The following DLGAP2 variants were observed in gnomAD, a reference collection of about 807,000 sequenced individuals.
The protein encoded by DLGAP2 is disks large-associated protein 2.
A neutral mutation model predicts 100.3 loss-of-function variants in DLGAP2; 26 were observed. The observed-to-expected ratio is 0.26, with a 90% CI of 0.19 to 0.36. DLGAP2 has a LOEUF of 0.36. Ranked by LOEUF, DLGAP2 falls within the 10% of genes least tolerant of loss-of-function variation. The pLI is 1.00. For synonymous variants in DLGAP2, 886 were observed against 630.1 expected (o/e 1.41, Z -6.08); for missense variants, 1,858 against 1,453.2 (o/e 1.28, Z -4.53).
chr8:1,672,020 C>T (rs1008367702), intron 10 of DLGAP2, among the ~76,000 whole-genome samples: 8 of 152,234 alleles, frequency 5.3e-5, no homozygotes, highest in South Asian at 2.1e-4. Context: ...TTATCCTTTG[C>T]GGTTTGTCTC....
At chr8:747,726 C>T (rs963296636) in intron 1 of DLGAP2, among the ~76,000 whole-genome samples, 8 of 41,276 alleles carry the variant, frequency 1.9e-4, no homozygotes, top group Non-Finnish European at 3.3e-4. Flanking sequence ...AACGTGTCTG[C>T]GGTGGGATGG....
At chr8:738,045 G>C (rs540579211) in intron 1 of DLGAP2, 338 of 296,566 alleles carry the variant, frequency 1.1e-3, no homozygotes, top group African/African-American at 7.1e-3. Flanking sequence ...GCCGGGCTCC[G>C]CGCATCCCTG....
chr8:1,441,060 G>C (rs969855695), intron 3 of DLGAP2, among the ~76,000 whole-genome samples: 3 of 152,310 alleles, frequency 2.0e-5, no homozygotes, highest in South Asian at 2.1e-4. Flanking sequence ...AGGCAGAAAA[G>C]ATGCTGAAGG....
chr8:956,908 A>G (rs1006769877), intron 2 of DLGAP2, among the ~76,000 whole-genome samples: 2 of 152,226 alleles, frequency 1.3e-5, no homozygotes, highest in African/African-American at 2.4e-5. Flanking sequence ...GAGAGAATGG[A>G]TGAAATTGAG....
Position 1,669,484 on chromosome 8 carries a change from C to A in DLGAP2, c.2161-259C>A, listed in dbSNP as rs918480492. 2.6e-4 allele frequency among the ~76,000 whole-genome samples: 39 copies of A among 152,240 alleles called. 1 individual carries two copies. The highest frequency in any genetic ancestry group is 1.5e-4 in the Non-Finnish European group (10 of 68,034). ...GCGGACGTGGTTGAGCAGGGCTGGC[C>A]GTCAAGCCCTCTGCCAACACGGCCC... is the stretch of plus-strand genomic sequence containing the variant. On this transcript the variant is annotated intron_variant, in intron 9 of 14. Transcript: ENST00000637795.
intron 1 of DLGAP2, among the ~76,000 whole-genome samples, chr8:790,811 T>C (rs1191054821): frequency 3.3e-5 from 5 of 152,148 alleles, no homozygotes; most frequent in African/African-American, 1.2e-4. Flanking sequence ...AGTGGTGTGA[T>C]CATAACTCAC....
chr8:1,389,271 C>T (rs1179726521), intron 3 of DLGAP2, among the ~76,000 whole-genome samples: 1 of 139,086 alleles, frequency 7.2e-6, no homozygotes. Flanking sequence ...GGCTTCCTCC[C>T]AGTCAGTGGG....
chr8:850,353 A>G (rs1797162708), intron 1 of DLGAP2, among the ~76,000 whole-genome samples: 1 of 152,220 alleles, frequency 6.6e-6, no homozygotes, highest in Admixed American at 6.5e-5. Flanking sequence ...GTTAAAAGTT[A>G]CGCTGCCTCT....
chr8:1,511,368 G>A (rs942287156), intron 4 of DLGAP2, among the ~76,000 whole-genome samples: 1 of 146,704 alleles, frequency 6.8e-6, no homozygotes, highest in African/African-American at 2.5e-5. Flanking sequence ...GCTGTCTAGT[G>A]TAGGACAATC....
At position 1,517,929 on chromosome 8, in the gene DLGAP2, A is replaced by T. The variant is rs144116829; in HGVS notation, c.172+16498A>T. On this transcript the variant is annotated intron_variant, in intron 4 of 14. Coordinates refer to ENST00000637795, the MANE Select transcript of DLGAP2 (RefSeq NM_001346810.2). Reference sequence around the variant, plus strand: ...CCATCCCCCACGGTATGTTGTTTGGACCTGGGAACTTTCTGGAGCAAGTGC... The same window carrying T: ...CCATCCCCCACGGTATGTTGTTTGGTCCTGGGAACTTTCTGGAGCAAGTGC... 1.3e-3 allele frequency among the ~76,000 whole-genome samples: 192 copies of T among 152,352 alleles called. 3 individuals carry two copies. Among genetic ancestry groups the T allele is most frequent in the African/African-American group, 4.6e-3 (191 of 41,584 alleles).
chr8:1,590,086 A>G (rs547120998), intron 6 of DLGAP2, among the ~76,000 whole-genome samples: 2 of 151,742 alleles, frequency 1.3e-5, no homozygotes, highest in African/African-American at 4.8e-5. Flanking sequence ...TGGGTGCATC[A>G]CTCCACCCTC....
intron 2 of DLGAP2, among the ~76,000 whole-genome samples, chr8:999,260 G>T (rs996245280): frequency 1.3e-5 from 2 of 151,588 alleles, no homozygotes; most frequent in African/African-American, 4.8e-5. Flanking sequence ...ATTTGGTGTT[G>T]TCCTTTGCTG....
At chr8:1,407,655 C>T (rs1346145548) in intron 3 of DLGAP2, among the ~76,000 whole-genome samples, 2 of 87,350 alleles carry the variant, frequency 2.3e-5, no homozygotes, top group Non-Finnish European at 2.3e-5. Flanking sequence ...CCTCCTCATC[C>T]TCCAGAGTCG....
chr8:1,546,551 T>C (rs1441775417), intron 4 of DLGAP2, among the ~76,000 whole-genome samples: 1 of 152,222 alleles, frequency 6.6e-6, no homozygotes, highest in Non-Finnish European at 1.5e-5. Flanking sequence ...CTAGGACTAG[T>C]CACTTGGTAA....
At chr8:803,393 T>A (rs149190367) in intron 1 of DLGAP2, among the ~76,000 whole-genome samples, 9 of 152,284 alleles carry the variant, frequency 5.9e-5, no homozygotes, top group African/African-American at 1.9e-4. Context: ...AAATAACATC[T>A]ACCTCTGCAT....
chr8:1,350,363 CCG>C, intron 3 of DLGAP2, among the ~76,000 whole-genome samples: 1 of 91,164 alleles, frequency 1.1e-5, no homozygotes, highest in Non-Finnish European at 2.1e-5. Flanking sequence ...TGTGGAAAGG[CCG>C]CGTGGGTCCT....
At chr8:854,572 ATGTT>A (rs1797241057) in intron 1 of DLGAP2, among the ~76,000 whole-genome samples, 1 of 150,340 alleles carries the variant, frequency 6.7e-6, no homozygotes, top group Non-Finnish European at 1.5e-5. Flanking sequence ...GTGTCTGCAT[ATGTT>A]TGTGTGTTCA....
intron 2 of DLGAP2, among the ~76,000 whole-genome samples, chr8:960,156 T>C (rs1239104427): frequency 6.6e-6 from 1 of 151,618 alleles, no homozygotes; most frequent in African/African-American, 2.4e-5. Context: ...CTCATATGGG[T>C]TCTTACATGC....
At chr8:980,152 CA>C (rs1800287401) in intron 2 of DLGAP2, among the ~76,000 whole-genome samples, 2 of 152,160 alleles carry the variant, frequency 1.3e-5, no homozygotes, top group South Asian at 4.1e-4. Flanking sequence ...GGAGACCTCT[CA>C]GGAGACAAAT....
Sources: allele counts gnomAD v4.1 joint callset (sites outside exome capture counted in the v4.1 genomes callset), GRCh38; gene constraint gnomAD v4.1.1; transcripts MANE v1.5; gene names NCBI Gene and HGNC (gene_info 2026-07-23, HGNC 2026-07-21).